Variants in CD80 observed in about 807,000 individuals in gnomAD.
CD80 encodes the protein T-lymphocyte activation antigen CD80.
Under a neutral mutation model 27.1 loss-of-function variants are expected in CD80, and 13 were observed. That is an observed-to-expected ratio of 0.48 (90% CI 0.31 to 0.76). The LOEUF (loss-of-function observed/expected upper bound fraction) is 0.76. Ranked by LOEUF, CD80 falls within the 30% of genes least tolerant of loss-of-function variation. The probability of loss-of-function intolerance (pLI) is 0.04; values close to 1 mark genes in which losing one functional copy is unlikely to be tolerated. For synonymous variants in CD80, 125 were observed against 125.5 expected, an observed-to-expected ratio of 1.00 and a Z score of 0.03; for missense variants, 277 against 347.9, an observed-to-expected ratio of 0.80 and a Z score of 1.62.
intron 3 of CD80, among the ~76,000 whole-genome samples, chr3:119,540,828 C>T (rs1172046695): frequency 2.0e-5 from 3 of 152,170 alleles, no homozygotes; most frequent in East Asian, 1.9e-4. Context: ...GCAGGAGGAT[C>T]GCTTGAGGTC....
At chr3:119,556,643 C>T in intron 2 of CD80, among the ~76,000 whole-genome samples, 1 of 152,150 alleles carries the variant, frequency 6.6e-6, no homozygotes, top group Admixed American at 6.5e-5. Context: ...CTGTGGGCCC[C>T]CAACTCCTCT....
At chr3:119,533,543 TG>T (rs2082120724) in intron 4 of CD80, among the ~76,000 whole-genome samples, 1 of 152,080 alleles carries the variant, frequency 6.6e-6, no homozygotes, top group African/African-American at 2.4e-5. Flanking sequence ...GACTGAATTA[TG>T]GGGGCGAGTC....
At chr3:119,536,887 C>T (rs2082142181) in intron 4 of CD80, among the ~76,000 whole-genome samples, 2 of 152,180 alleles carry the variant, frequency 1.3e-5, no homozygotes, top group African/African-American at 4.8e-5. Flanking sequence ...TGTGTTACAA[C>T]TGCCTATGTG....
intron 2 of CD80, among the ~76,000 whole-genome samples, chr3:119,554,538 G>C (rs2082252089): frequency 6.6e-6 from 1 of 152,158 alleles, no homozygotes; most frequent in South Asian, 2.1e-4. Flanking sequence ...GTGCCTGCAG[G>C]CCTAGAGGGG....
chr3:119,536,750 A>G (rs537855915), intron 4 of CD80, among the ~76,000 whole-genome samples: 1 of 152,390 alleles, frequency 6.6e-6, no homozygotes, highest in African/African-American at 2.4e-5. Flanking sequence ...GCTGAGTTAC[A>G]GTAATGTGCC....
At chr3:119,545,113 G>A (rs904910260) in intron 2 of CD80, among the ~76,000 whole-genome samples, 1 of 152,166 alleles carries the variant, frequency 6.6e-6, no homozygotes, top group Non-Finnish European at 1.5e-5. Flanking sequence ...GGAGGCCGAG[G>A]CAGGCAGATC....
chr3:119,536,473 T>C (rs548480992), intron 4 of CD80, among the ~76,000 whole-genome samples: 1 of 152,140 alleles, frequency 6.6e-6, no homozygotes, highest in South Asian at 2.1e-4. Context: ...CCCAAGTACC[T>C]AGGACTACAC....
At chr3:119,542,229 T>C (rs2082173766) in intron 3 of CD80, among the ~76,000 whole-genome samples, 1 of 151,984 alleles carries the variant, frequency 6.6e-6, no homozygotes, top group African/African-American at 2.4e-5. Flanking sequence ...CATCACCATA[T>C]AATAATTTAT....
intron 2 of CD80, 58 bp downstream of exon 2, chr3:119,557,571 T>A: frequency 8.3e-7 from 1 of 1,206,704 alleles, no homozygotes. Flanking sequence ...GAGAACCCCA[T>A]GTCCTTTCTC....
chr3:119,531,965 A>G (rs1304456955), intron 4 of CD80, among the ~76,000 whole-genome samples: 1 of 151,980 alleles, frequency 6.6e-6, no homozygotes, highest in African/African-American at 2.4e-5. Context: ...CGCCTGGCCT[A>G]GTTTTATTCT....
chr3:119,544,069 G>T (rs1356619158), intron 3 of CD80, among the ~76,000 whole-genome samples: 1 of 151,812 alleles, frequency 6.6e-6, no homozygotes, highest in Non-Finnish European at 1.5e-5. Flanking sequence ...TGTATTTTTA[G>T]TAGGGACGGA....
At chr3:119,552,753 A>G (rs1016325357) in intron 2 of CD80, among the ~76,000 whole-genome samples, 2 of 152,204 alleles carry the variant, frequency 1.3e-5, no homozygotes, top group Non-Finnish European at 1.5e-5. Context: ...ATGGAGTACT[A>G]AGACATACGC....
chr3:119,536,966 G>A (rs1446588237), intron 4 of CD80, among the ~76,000 whole-genome samples, 171 bp downstream of exon 4: 2 of 152,228 alleles, frequency 1.3e-5, no homozygotes, highest in Non-Finnish European at 2.9e-5. Context: ...TAGCCTAGGT[G>A]TGCAGTAGGC....
chr3:119,525,871 T>A (rs1281133547), intron 6 of CD80, 122 bp from the exon 7 acceptor site: 1 of 141,096 alleles, frequency 7.1e-6, no homozygotes, highest in Non-Finnish European at 1.5e-5. Context: ...TATATATGTA[T>A]ATATAATTTA....
At chr3:119,541,288 A>G (rs545227485) in intron 3 of CD80, among the ~76,000 whole-genome samples, 32 of 152,338 alleles carry the variant, frequency 2.1e-4, no homozygotes, top group African/African-American at 7.7e-4. Flanking sequence ...ATAGGTGCAC[A>G]TGTTTTAGGA....
rs376645087 is a variant in CD80, at chr3:119,553,202, T to C, written c.100+4427A>G. Among the ~76,000 whole-genome samples, 9 of 151,954 alleles carry C rather than the reference T, an allele frequency of 5.9e-5. No individual in the cohort carries two copies. In the East Asian group the frequency reaches 1.7e-3, roughly 29 times the overall value. On this transcript the variant is annotated intron_variant, in intron 2 of 6. Coordinates refer to ENST00000264246, the MANE Select transcript of CD80 (RefSeq NM_005191.4). ...TTGCCCATGCTGGAGTGCAGTGGCA[T>C]GATCTTGGCTCACAGCAACCCCCGC...
intron 4 of CD80, among the ~76,000 whole-genome samples, chr3:119,535,490 T>C (rs985247444): frequency 6.6e-6 from 1 of 152,146 alleles, no homozygotes; most frequent in Non-Finnish European, 1.5e-5. Flanking sequence ...TTTAAACAAG[T>C]ATTAATATTT....
chr3:119,537,184 A>G lies in CD80; in HGVS notation c.653T>C (p.Ile218Thr). The part of the protein sequence containing the change: ...MTTNHSFMCL[I>T]KYGHLRVNQT... ...ATTCACTCTTAAATGTCCATACTTG[A>G]TGAGACACATGAAGCTGTGGTTGGT... The change falls in exon 4 of 7, where the codon ATC (isoleucine) becomes ACC (threonine). Residue 218 changes from isoleucine (I) to threonine (T), a missense_variant. Coordinates refer to ENST00000264246, the MANE Select transcript of CD80 (RefSeq NM_005191.4). The G allele has an allele frequency of 1.2e-6, 2 of 1,614,044 alleles. No homozygotes were observed. The highest frequency in any genetic ancestry group is 1.7e-6 in the Non-Finnish European group (2 of 1,179,924).
intron 3 of CD80, among the ~76,000 whole-genome samples, chr3:119,542,929 C>T (rs113716016): frequency 2.8e-3 from 433 of 152,280 alleles, no homozygotes; most frequent in African/African-American, 0.01. Flanking sequence ...ATTTTGCAGC[C>T]CCTGCACTTG....
Sources: gnomAD v4.1 joint callset for allele counts (sites outside exome capture counted in the v4.1 genomes callset) on GRCh38, gnomAD v4.1.1 for gene constraint, MANE v1.5 for transcripts, NCBI Gene and HGNC (gene_info 2026-07-23, HGNC 2026-07-21) for gene names.